GRID2: variants seen among roughly 807,000 people sequenced by gnomAD.
GRID2 encodes glutamate receptor ionotropic, delta-2.
Under a neutral mutation model 114.8 loss-of-function variants are expected in GRID2, and 33 were observed. That is an observed-to-expected ratio of 0.29 (90% confidence interval 0.22 to 0.38). The LOEUF (loss-of-function observed/expected upper bound fraction) is 0.38, where lower values mean the gene tolerates loss of function less well. Among genes scored for constraint, GRID2 ranks in the 10% least tolerant of loss-of-function variants. The probability of loss-of-function intolerance (pLI) is 1.00; values close to 1 mark genes in which losing one functional copy is unlikely to be tolerated. For synonymous variants in GRID2, 505 were observed against 449.9 expected (o/e 1.12, Z -1.55); for missense variants, 1,184 against 1,257.7 (o/e 0.94, Z 0.89).
At chr4:92,442,360 G>A (rs62312206) in intron 1 of GRID2, among the ~76,000 whole-genome samples, 12,347 of 152,002 alleles carry the variant, frequency 0.081, 557 homozygotes, top group East Asian at 0.14. Flanking sequence ...GATGGGACAC[G>A]GCTTAGGAGG....
chr4:92,960,863 A>G (rs1413386099), intron 2 of GRID2, among the ~76,000 whole-genome samples: 3 of 151,630 alleles, frequency 2.0e-5, no homozygotes, highest in African/African-American at 7.3e-5. Flanking sequence ...ATCACTTTAT[A>G]TTATTCCATT....
chr4:92,989,426 G>A (rs1180328571), intron 2 of GRID2, among the ~76,000 whole-genome samples: 2 of 151,606 alleles, frequency 1.3e-5, no homozygotes, highest in East Asian at 3.9e-4. Context: ...TAGAATGAGA[G>A]GGACATGAAG....
intron 13 of GRID2, among the ~76,000 whole-genome samples, chr4:93,524,783 GTGTATATATATATATATATATATATATA>G (rs1730672740): frequency 1.7e-4 from 15 of 86,632 alleles, no homozygotes; most frequent in Middle Eastern, 6.7e-3. Context: ...ATGTATGTAT[GTGTATATATATATATATATATATATATA>G]TATGTATGTA....
intron 1 of GRID2, among the ~76,000 whole-genome samples, chr4:92,402,658 C>A (rs1215856667): frequency 2.0e-5 from 3 of 152,162 alleles, no homozygotes; most frequent in African/African-American, 7.2e-5. Context: ...ATGCTATAAA[C>A]AAATGTACAT....
chr4:93,222,796 C>T (rs979589194), intron 6 of GRID2, among the ~76,000 whole-genome samples: 3 of 152,074 alleles, frequency 2.0e-5, no homozygotes, highest in African/African-American at 7.2e-5. Context: ...GACATGAACT[C>T]ATCATTTTTT....
At chr4:92,584,642 A>C (rs1728337720) in intron 1 of GRID2, among the ~76,000 whole-genome samples, 1 of 152,026 alleles carries the variant, frequency 6.6e-6, no homozygotes, top group Non-Finnish European at 1.5e-5. Context: ...TTCATGGCTT[A>C]AAATAAATGG....
At chr4:93,174,708 C>T (rs1442651288) in intron 4 of GRID2, among the ~76,000 whole-genome samples, 7 of 152,060 alleles carry the variant, frequency 4.6e-5, no homozygotes, top group Non-Finnish European at 7.4e-5. Context: ...CAGCCCTCAC[C>T]GGAAACTAAT....
chr4:92,828,782 A>G (rs1315315161), intron 2 of GRID2, among the ~76,000 whole-genome samples: 1 of 152,098 alleles, frequency 6.6e-6, no homozygotes, highest in Non-Finnish European at 1.5e-5. Flanking sequence ...GTTTTAGTAC[A>G]TGTTGAAACA....
intron 8 of GRID2, among the ~76,000 whole-genome samples, chr4:93,283,848 T>C (rs1045182693): frequency 2.0e-5 from 3 of 152,106 alleles, no homozygotes; most frequent in African/African-American, 7.2e-5. Context: ...TACATTCCAG[T>C]GGCCTTAGAG....
At chr4:92,581,882 T>C (rs1728200830) in intron 1 of GRID2, among the ~76,000 whole-genome samples, 1 of 152,128 alleles carries the variant, frequency 6.6e-6, no homozygotes, top group South Asian at 2.1e-4. Flanking sequence ...CGTGGAATTT[T>C]CTCCTTCCAC....
At chr4:93,007,338 A>G (rs1254148894) in intron 2 of GRID2, among the ~76,000 whole-genome samples, 3 of 152,112 alleles carry the variant, frequency 2.0e-5, no homozygotes, top group African/African-American at 7.2e-5. Context: ...GTTCTTAAGG[A>G]TATTTTAAAA....
chr4:92,500,879 A>C (rs1475016982), intron 1 of GRID2, among the ~76,000 whole-genome samples: 1 of 152,120 alleles, frequency 6.6e-6, no homozygotes, highest in Non-Finnish European at 1.5e-5. Context: ...GCATTTAATT[A>C]ATCAGAGTCT....
At chr4:92,908,324 C>T (rs2149488221) in intron 2 of GRID2, among the ~76,000 whole-genome samples, 1 of 152,144 alleles carries the variant, frequency 6.6e-6, no homozygotes, top group South Asian at 2.1e-4. Flanking sequence ...CTCTACACAT[C>T]CACTGAGTAC....
intron 2 of GRID2, among the ~76,000 whole-genome samples, chr4:93,077,368 A>T (rs1445327088): frequency 6.6e-6 from 1 of 152,182 alleles, no homozygotes; most frequent in African/African-American, 2.4e-5. Context: ...TTTCTCTTAC[A>T]CAAACATAAA....
At chr4:92,641,202 AT>A (rs915581487) in intron 2 of GRID2, among the ~76,000 whole-genome samples, 2 of 151,664 alleles carry the variant, frequency 1.3e-5, no homozygotes, top group South Asian at 4.1e-4. Flanking sequence ...ATGACAATTT[AT>A]TTTTTTACTA....
chr4:92,474,613 G>A (rs1004583691), intron 1 of GRID2, among the ~76,000 whole-genome samples: 1 of 151,858 alleles, frequency 6.6e-6, no homozygotes, highest in Non-Finnish European at 1.5e-5. Flanking sequence ...CATAATGATG[G>A]TATCAATTAC....
At chr4:92,409,303 G>C (rs1731182245) in intron 1 of GRID2, among the ~76,000 whole-genome samples, 1 of 151,980 alleles carries the variant, frequency 6.6e-6, no homozygotes, top group African/African-American at 2.4e-5. Flanking sequence ...CCTCATTACA[G>C]AGTTACCATT....
At chr4:92,859,836 A>C (rs1412198881) in intron 2 of GRID2, among the ~76,000 whole-genome samples, 1 of 152,138 alleles carries the variant, frequency 6.6e-6, no homozygotes, top group African/African-American at 2.4e-5. Flanking sequence ...CAGTCTTGAC[A>C]CTTGACAGAA....
At chr4:93,314,074 G>T (rs1027103916) in intron 8 of GRID2, among the ~76,000 whole-genome samples, 1 of 152,086 alleles carries the variant, frequency 6.6e-6, no homozygotes, top group Admixed American at 6.6e-5. Context: ...GGAGGCCAAG[G>T]CGGGCGGATC....
Sources: gnomAD v4.1 joint callset for allele counts (sites outside exome capture counted in the v4.1 genomes callset) on GRCh38, gnomAD v4.1.1 for gene constraint, MANE v1.5 for transcripts, NCBI Gene and HGNC (gene_info 2026-07-23, HGNC 2026-07-21) for gene names.